Variants in KLHDC4 observed in about 807,000 individuals in gnomAD.
KLHDC4 encodes kelch domain containing 4, also known as kelch domain-containing protein 4.
KLHDC4 carries 90 observed loss-of-function variants against 62.4 expected under a neutral mutation model. That is an observed-to-expected ratio of 1.44 (90% CI 1.22 to 1.72). The LOEUF (loss-of-function observed/expected upper bound fraction) is 1.72. Ranked by LOEUF, KLHDC4 falls within the 40% of genes most tolerant of loss-of-function variation. The pLI is 0.00. For missense variants in KLHDC4, 1,025 were observed against 699.7 expected, an observed-to-expected ratio of 1.47 and a Z score of -5.25; for synonymous variants, 386 against 284.4, an observed-to-expected ratio of 1.36 and a Z score of -3.59.
chr16:87,725,903 C>T (rs1382598845), intron 7 of KLHDC4, among the ~76,000 whole-genome samples: 2 of 152,230 alleles, frequency 1.3e-5, no homozygotes, highest in East Asian at 1.9e-4. Flanking sequence ...GAATTTCATT[C>T]CACAGAGACT....
In KLHDC4 at chr16:87,709,681, G is replaced by C. The variant is rs371854005; in HGVS notation, c.1045-14C>G. 5.7e-6 allele frequency: 9 copies of C among 1,566,080 alleles called. No individual in the cohort carries two copies. In the African/African-American group the frequency reaches 1.2e-4, roughly 21 times the overall value. ...AGACTTGGGTCCCTATTAATAGACC[G>C]AGGAAGCAGAGAGCAGCAGCTTCAG... is the stretch of plus-strand genomic sequence containing the variant. On this transcript the variant is annotated splice_polypyrimidine_tract_variant and intron_variant, in intron 9 of 11. Coordinates refer to ENST00000270583, the MANE Select transcript of KLHDC4 (RefSeq NM_017566.4).
At chr16:87,728,918 G>A (rs1328810992) in intron 6 of KLHDC4, among the ~76,000 whole-genome samples, 1 of 152,100 alleles carries the variant, frequency 6.6e-6, no homozygotes, top group Non-Finnish European at 1.5e-5. Context: ...GGGATTAAAG[G>A]TGTGCACCAC....
At chr16:87,749,380 C>G (rs1186486573) in intron 4 of KLHDC4, among the ~76,000 whole-genome samples, 1 of 151,730 alleles carries the variant, frequency 6.6e-6, no homozygotes, top group Non-Finnish European at 1.5e-5. Flanking sequence ...ATGGTGAAAC[C>G]CCATCTCTAC....
intron 1 of KLHDC4, among the ~76,000 whole-genome samples, chr16:87,764,431 C>A (rs1002923171): frequency 2.0e-5 from 3 of 151,946 alleles, no homozygotes; most frequent in Non-Finnish European, 2.9e-5. Context: ...GAGCGCATCA[C>A]CTGAGGTCAG....
At chr16:87,715,043 C>T (rs573762243) in intron 7 of KLHDC4, among the ~76,000 whole-genome samples, 22 of 152,336 alleles carry the variant, frequency 1.4e-4, no homozygotes, top group African/African-American at 2.6e-4. Context: ...TCGAAAACAA[C>T]GCGCTCCATG....
intron 5 of KLHDC4, among the ~76,000 whole-genome samples, chr16:87,735,566 T>C (rs977272474): frequency 6.6e-6 from 1 of 152,246 alleles, no homozygotes; most frequent in Non-Finnish European, 1.5e-5. Flanking sequence ...TAACTTTTTG[T>C]GGCAGTAGCC....
intron 4 of KLHDC4, among the ~76,000 whole-genome samples, chr16:87,750,721 G>C (rs578133331): frequency 6.2e-4 from 94 of 152,306 alleles, no homozygotes; most frequent in Non-Finnish European, 1.1e-3. Context: ...ACATAGAAAC[G>C]GCCACAGTGC....
intron 5 of KLHDC4, among the ~76,000 whole-genome samples, chr16:87,733,945 G>T (rs1344142638): frequency 6.6e-6 from 1 of 152,340 alleles, no homozygotes; most frequent in East Asian, 1.9e-4. Context: ...TGCCTATTTA[G>T]ATAATGCATT....
At chr16:87,701,544 G>C in exon 1 of KLHDC4, 1 of 394,996 alleles carries the variant, frequency 2.5e-6, no homozygotes, top group South Asian at 1.8e-5. Flanking sequence ...CAGTGTGGGC[G>C]TGAGCTCACC....
chr16:87,749,615 G>C (rs111432497), intron 4 of KLHDC4, among the ~76,000 whole-genome samples: 2 of 151,150 alleles, frequency 1.3e-5, no homozygotes, highest in East Asian at 2.0e-4. Flanking sequence ...ACCACGTCTT[G>C]CTCTATTGCC....
downstream of KLHDC4, among the ~76,000 whole-genome samples, chr16:87,703,742 C>A (rs73241914): frequency 0.011 from 1,677 of 152,310 alleles, 39 homozygotes; most frequent in African/African-American, 0.039. Flanking sequence ...GCCGGGTCAC[C>A]GTGGTACCTG....
chr16:87,733,042 G>C lies in KLHDC4; in HGVS notation c.507-2398C>G, dbSNP rs888217662. Reference sequence around the variant, plus strand: ...CTATCCCAGCTTCTATCGGTGAAAAGGCAGGTGCAAAGCAAATCCTATCCC... The same window carrying C: ...CTATCCCAGCTTCTATCGGTGAAAACGCAGGTGCAAAGCAAATCCTATCCC... On this transcript the variant is annotated intron_variant, in intron 5 of 11. Coordinates refer to ENST00000270583, the MANE Select transcript of KLHDC4 (RefSeq NM_017566.4). Among the ~76,000 whole-genome samples the C allele has an allele frequency of 5.0e-5, 7 of 140,888 alleles. 1 individual carries two copies. The highest frequency in any genetic ancestry group is 2.0e-4 in the African/African-American group (7 of 35,240). 92.4% of individuals were successfully genotyped at this position (140,888 alleles called of 152,430 possible).
intron 7 of KLHDC4, among the ~76,000 whole-genome samples, chr16:87,720,148 G>C (rs978113436): frequency 3.3e-5 from 5 of 152,212 alleles, no homozygotes; most frequent in Admixed American, 2.0e-4. Context: ...GCCGCCCCAA[G>C]GACCCCGTCA....
chr16:87,701,967 G>A, exon 1 of KLHDC4: 1 of 456,236 alleles, frequency 2.2e-6, no homozygotes, highest in Non-Finnish European at 4.4e-6. Context: ...GTCCTTCTTG[G>A]TCATCTTCCT....
At chr16:87,738,136 G>A (rs960936078) in intron 5 of KLHDC4, among the ~76,000 whole-genome samples, 1 of 152,144 alleles carries the variant, frequency 6.6e-6, no homozygotes, top group African/African-American at 2.4e-5. Context: ...CATTCCTATG[G>A]TGACCTGTAC....
At chr16:87,723,890 G>A (rs568320529) in intron 7 of KLHDC4, among the ~76,000 whole-genome samples, 53 of 152,320 alleles carry the variant, frequency 3.5e-4, no homozygotes, top group African/African-American at 1.2e-3. Flanking sequence ...AGGCTGGAAT[G>A]TAGCAGCACA....
In KLHDC4 at chr16:87,709,438, G is replaced by A. The variant is rs2035330172; in HGVS notation, c.1274C>T (p.Pro425Leu). ...DEDSLEEAGS[P>L]APGPCPRSNA... is the part of the protein sequence containing the mutation. ...GGAGCGTGGACACGGCCCAGGTGCG[G>A]GGCTGCCGGCCTCCTCAAGGCTGTC... is the stretch of plus-strand genomic sequence containing the variant. Residue 425 changes from proline (P) to leucine (L), a missense_variant, in exon 10 of 12, where the codon CCC becomes CTC. Transcript: ENST00000270583. 3 of 1,612,650 alleles carry A rather than the reference G, an allele frequency of 1.9e-6. No individual in the cohort carries two copies. The East Asian group carries it at 6.7e-5, about 36-fold the overall frequency.
chr16:87,762,942 C>T (rs2046099180), intron 1 of KLHDC4, among the ~76,000 whole-genome samples: 1 of 152,178 alleles, frequency 6.6e-6, no homozygotes, highest in African/African-American at 2.4e-5. Flanking sequence ...CCTCACTCTC[C>T]AAGATACACC....
At chr16:87,742,164 C>A (rs750319786) in intron 5 of KLHDC4, among the ~76,000 whole-genome samples, 3 of 152,100 alleles carry the variant, frequency 2.0e-5, no homozygotes, top group Non-Finnish European at 4.4e-5. Flanking sequence ...AGTGTGTGAA[C>A]CCCCAAGCCC....
Sources: gnomAD v4.1 joint callset for allele counts (sites outside exome capture counted in the v4.1 genomes callset) on GRCh38, gnomAD v4.1.1 for gene constraint, MANE v1.5 for transcripts, NCBI Gene and HGNC (gene_info 2026-07-23, HGNC 2026-07-21) for gene names.